The following NGDN variants were observed in gnomAD, a reference collection of about 807,000 sequenced individuals.
NGDN encodes the protein EIF4E-binding protein.
In NGDN, 41 loss-of-function variants were observed where a neutral mutation model predicts 45.2. The observed-to-expected ratio is 0.91, with a 90% CI of 0.71 to 1.18. The LOEUF (loss-of-function observed/expected upper bound fraction) is 1.18, where lower values mean the gene tolerates loss of function less well. Ranked by LOEUF, NGDN falls within the 50% of genes most tolerant of loss-of-function variation. NGDN has a pLI of 0.00. For missense variants in NGDN, 402 were observed against 399.9 expected, an observed-to-expected ratio of 1.01 and a Z score of -0.05; for synonymous variants, 137 against 130.9, an observed-to-expected ratio of 1.05 and a Z score of -0.32.
chr14:23,476,658 A>G (rs184210962), intron 8 of NGDN, among the ~76,000 whole-genome samples: 1 of 152,310 alleles, frequency 6.6e-6, no homozygotes, highest in Non-Finnish European at 1.5e-5. Flanking sequence ...TGAGGGGGAA[A>G]AAAGCAGTAC....
rs966068633 is a variant in NGDN at position 23,477,533 on chromosome 14, A to G, written c.901A>G (p.Ile301Val). ...GAATCCTATTAAGAAGCGGAAGAAG[A>G]TACCTCAGAAAGGTCGGAAGAAAAA... ...DQNPIKKRKK[I>V]PQKGRKKKGF... The change falls in exon 10 of 11, where the codon ATA becomes GTA. Residue 301 changes from isoleucine (I) to valine (V), a missense_variant. By Grantham distance (29) the Ile-to-Val change is conservative (BLOSUM62 3). Transcript: ENST00000408901. The G allele has an allele frequency of 1.2e-6, 2 of 1,614,190 alleles. No individual in the cohort carries two copies. The highest frequency in any genetic ancestry group is 4.5e-5 in the East Asian group (2 of 44,882).
downstream of NGDN, chr14:23,478,255 G>C (rs1490493156): frequency 2.3e-6 from 1 of 438,328 alleles, no homozygotes; most frequent in Admixed American, 4.1e-5. Flanking sequence ...GGTGAAAAGG[G>C]AAATTTTTTT....
Position 23,475,311 on chromosome 14 carries a change from A to G in NGDN, c.282+3A>G. 3 of 1,606,968 alleles carry G rather than the reference A, an allele frequency of 1.9e-6. No individual in the cohort carries two copies. The highest frequency in any genetic ancestry group is 2.2e-5 in the South Asian group (2 of 89,426). On this transcript the variant is annotated splice_donor_region_variant and intron_variant, in intron 4 of 10. Coordinates refer to ENST00000408901, the MANE Select transcript of NGDN (RefSeq NM_001042635.2). ...TGAGACTGGTGGAGATTCGCACGGT[A>G]TGAAGCATTTGGCTTCTTGGAGTTT...
In NGDN at chr14:23,477,339, A is replaced by G. The variant is rs756517476; in HGVS notation, c.853A>G (p.Thr285Ala). The change falls in exon 9 of 11, where the codon ACT becomes GCT. Residue 285 changes from threonine (T) to alanine (A), a missense_variant. Physicochemically the swap from Thr to Ala is moderately conservative, Grantham distance 58. Transcript: ENST00000408901. ...TGACATCAGTGCTTTGACAGGGGGA[A>G]CTGTTCATCTTGATGAGGTGAGGTT... ...FSDISALTGG[T>A]VHLDEDQNPI... 55 of 1,614,076 alleles carry G rather than the reference A, an allele frequency of 3.4e-5. No individual in the cohort carries two copies. Among genetic ancestry groups the G allele is most frequent in the Middle Eastern group, 1.6e-4 (1 of 6,084 alleles).
At chr14:23,470,246 G>C (rs1211816819) in intron 2 of NGDN, 145 bp downstream of exon 2, 3 of 642,542 alleles carry the variant, frequency 4.7e-6, no homozygotes, top group Non-Finnish European at 8.2e-6. Context: ...TTTCACGCCA[G>C]AATTCTAAGT....
At chr14:23,473,152 A>G (rs1269743696) in intron 3 of NGDN, among the ~76,000 whole-genome samples, 1 of 152,114 alleles carries the variant, frequency 6.6e-6, no homozygotes. Context: ...GGCGCCCGCC[A>G]CCACTCCTGG....
chr14:23,469,736 G>A lies in NGDN; in HGVS notation c.12+9G>A. 1.4e-5 allele frequency: 22 copies of A among 1,614,158 alleles called. No individual in the cohort carries two copies. The highest frequency in any genetic ancestry group is 1.9e-5 in the Non-Finnish European group (22 of 1,180,014). On this transcript the variant is annotated intron_variant, in intron 1 of 10. Transcript: ENST00000408901. ...CGAAGATGGCGGCGCTGGTGAGTTT[G>A]GTGTGGTTTCTTCCTCGCGTAGCTA...
At chr14:23,478,175 T>A, downstream of NGDN, 1 of 748,222 alleles carries the variant, frequency 1.3e-6, no homozygotes, top group Non-Finnish European at 2.2e-6. Flanking sequence ...GCTTATGAAT[T>A]AAAGCCCCTT....
chr14:23,470,982 G>GA lies in NGDN; in HGVS notation c.144+6dup. ...GGTGCCTATCCTACAGAAAAGGTAA[G>GA]ATGTACTCAAACAGTAAGCATCCCC... On this transcript the variant is annotated splice_donor_region_variant and intron_variant, in intron 3 of 10. Transcript: ENST00000408901. The GA allele has an allele frequency of 6.6e-7, 1 of 1,524,884 alleles. No individual in the cohort carries two copies. Among genetic ancestry groups the GA allele is most frequent in the Non-Finnish European group, 8.8e-7 (1 of 1,140,156 alleles). 94.5% of individuals were successfully genotyped at this position (1,524,884 alleles called of 1,614,324 possible).
At chr14:23,470,469 A>G (rs559351201) in intron 2 of NGDN, among the ~76,000 whole-genome samples, 11 of 152,360 alleles carry the variant, frequency 7.2e-5, no homozygotes, top group African/African-American at 9.6e-5. Flanking sequence ...CGAAAACCTC[A>G]TAAGTCGAAA....
chr14:23,477,051 A>T (rs920975951), intron 8 of NGDN, 149 bp from the exon 9 acceptor site: 34 of 673,462 alleles, frequency 5.0e-5, no homozygotes, highest in Non-Finnish European at 7.9e-5. Context: ...AGCATTCAAT[A>T]TGTCCTTACT....
At chr14:23,473,787 T>C (rs1355175330) in intron 3 of NGDN, among the ~76,000 whole-genome samples, 4 of 152,228 alleles carry the variant, frequency 2.6e-5, no homozygotes, top group Admixed American at 6.5e-5. Flanking sequence ...TAAGCACAAA[T>C]CTGCTATAAC....
chr14:23,477,562 T>G lies in NGDN; in HGVS notation c.928+2T>G. ...CTCAGAAAGGTCGGAAGAAAAAAGG[T>G]CAGTGAACTGCTGGGACTTAGGTGA... On this transcript the variant is annotated splice_donor_variant, in intron 10 of 10. Transcript: ENST00000408901. LOFTEE classifies it high-confidence loss of function. 2 of 1,614,058 alleles carry G rather than the reference T, an allele frequency of 1.2e-6. No homozygotes were observed. Among genetic ancestry groups the G allele is most frequent in the Non-Finnish European group, 1.7e-6 (2 of 1,179,984 alleles).
At chr14:23,469,987 C>G (rs1595104061) in intron 1 of NGDN, 55 bp from the exon 2 acceptor site, 1 of 1,589,060 alleles carries the variant, frequency 6.3e-7, no homozygotes, top group Non-Finnish European at 8.6e-7. Context: ...GTTCCACTTT[C>G]CTATAATCCT....
At position 23,476,098 on chromosome 14, in the gene NGDN, G is replaced by T. The variant is rs376061768; in HGVS notation, c.490G>T (p.Val164Leu). Residue 164 changes from valine to leucine, a missense_variant, in exon 7 of 11, where the codon GTG (valine) becomes TTG (leucine). Val to Leu is a conservative substitution (Grantham distance 32). Transcript: ENST00000408901. ...GTCTGAGGCTTCAGGGAAGAAATCTGTGAAGGGAGTGTCTAAGAAATATGT... is the reference window on the plus strand; with the variant it reads ...GTCTGAGGCTTCAGGGAAGAAATCTTTGAAGGGAGTGTCTAAGAAATATGT... ...DQSEASGKKS[V>L]KGVSKKYVPP... is the part of the protein sequence containing the mutation. The T allele has an allele frequency of 2.5e-6, 4 of 1,614,010 alleles. No homozygotes were observed. The African/African-American group carries it at 5.3e-5, about 22-fold the overall frequency.
At chr14:23,472,674 A>G (rs35081830) in intron 3 of NGDN, among the ~76,000 whole-genome samples, 5,357 of 152,228 alleles carry the variant, frequency 0.035, 103 homozygotes, top group African/African-American at 0.042. Context: ...CTTTTGTCCT[A>G]AGATATTTAG....
At chr14:23,471,035 A>G (rs1893765320) in intron 3 of NGDN, 58 bp downstream of exon 3, 2 of 1,184,584 alleles carry the variant, frequency 1.7e-6, no homozygotes, top group Non-Finnish European at 2.3e-6. Context: ...TAGTTCTTTC[A>G]TTGTATGTTT....
intron 3 of NGDN, among the ~76,000 whole-genome samples, chr14:23,474,094 TTG>T (rs1302085157): frequency 6.6e-6 from 1 of 152,126 alleles, no homozygotes; most frequent in East Asian, 1.9e-4. Flanking sequence ...TACTCAATAT[TTG>T]ACTACCAAAC....
rs1251176721 is a variant in NGDN, at chr14:23,475,481, G to A, written c.283-77G>A. ...GTACATATTTTAGGTGCCTTATGTG[G>A]CACCTTAATATAGGGACTCTGGTGT... is the stretch of plus-strand genomic sequence containing the variant. On this transcript the variant is annotated intron_variant, in intron 4 of 10. Transcript: ENST00000408901. 37 of 1,448,072 alleles carry A rather than the reference G, an allele frequency of 2.6e-5. 1 individual carries two copies. The East Asian group carries it at 7.9e-4, about 31-fold the overall frequency. The allele number at this position is 1,448,072 out of a possible 1,614,324, so 89.7% of individuals were successfully genotyped here.
Sources: gnomAD v4.1 joint callset for allele counts (sites outside exome capture counted in the v4.1 genomes callset) on GRCh38, gnomAD v4.1.1 for gene constraint, MANE v1.5 for transcripts, NCBI Gene and HGNC (gene_info 2026-07-23, HGNC 2026-07-21) for gene names.